KIAA0825: variants seen among roughly 807,000 people sequenced by gnomAD.
KIAA0825 encodes the protein uncharacterized protein KIAA0825.
KIAA0825 carries 119 observed loss-of-function variants against 147.6 expected under a neutral mutation model. The ratio of observed to expected loss-of-function variants is 0.81; its 90% CI spans 0.69 to 0.94. KIAA0825 has a LOEUF of 0.94. Among genes scored for constraint, KIAA0825 ranks in the 40% least tolerant of loss-of-function variants. The pLI is 0.00. For missense variants in KIAA0825, 1,381 were observed against 1,472.7 expected, an observed-to-expected ratio of 0.94 and a Z score of 1.02; for synonymous variants, 470 against 518.1, an observed-to-expected ratio of 0.91 and a Z score of 1.26.
chr5:94,486,376 A>T (rs148767670), intron 5 of KIAA0825, among the ~76,000 whole-genome samples: 10 of 152,190 alleles, frequency 6.6e-5, no homozygotes, highest in Non-Finnish European at 1.5e-4. Context: ...TTTTATGGCT[A>T]TTCCACTTCA....
At chr5:94,592,450 C>T (rs1784513755) in intron 1 of KIAA0825, among the ~76,000 whole-genome samples, 1 of 152,068 alleles carries the variant, frequency 6.6e-6, no homozygotes, top group Admixed American at 6.5e-5. Context: ...CAAGCTCTAT[C>T]ATGGGAAAGG....
chr5:94,576,417 G>C (rs1258537942), intron 2 of KIAA0825, among the ~76,000 whole-genome samples: 1 of 152,112 alleles, frequency 6.6e-6, no homozygotes, highest in African/African-American at 2.4e-5. Flanking sequence ...TGGATTACTA[G>C]ATTAATGAGT....
intron 5 of KIAA0825, among the ~76,000 whole-genome samples, chr5:94,500,532 G>A (rs75563727): frequency 0.011 from 1,611 of 152,186 alleles, 34 homozygotes; most frequent in African/African-American, 0.037. Flanking sequence ...TTAGACTGGG[G>A]AAGAGAAGCG....
At chr5:94,166,645 T>C (rs1003306860) in intron 20 of KIAA0825, among the ~76,000 whole-genome samples, 2 of 151,566 alleles carry the variant, frequency 1.3e-5, no homozygotes, top group East Asian at 2.0e-4. Context: ...GTAGCTGGGA[T>C]TACAGGCACG....
At chr5:94,191,450 G>A (rs1367407924) in intron 20 of KIAA0825, among the ~76,000 whole-genome samples, 1 of 152,004 alleles carries the variant, frequency 6.6e-6, no homozygotes, top group African/African-American at 2.4e-5. Flanking sequence ...TTCCTGAAAG[G>A]TAAATTATAA....
At chr5:94,519,318 TA>T in intron 5 of KIAA0825, 2 of 905,856 alleles carry the variant, frequency 2.2e-6, no homozygotes, top group Non-Finnish European at 2.6e-6. Flanking sequence ...ATTCACCAAA[TA>T]ATAATTTTCA....
chr5:94,534,695 T>C (rs972770409), intron 3 of KIAA0825, among the ~76,000 whole-genome samples: 5 of 152,186 alleles, frequency 3.3e-5, no homozygotes, highest in Non-Finnish European at 7.4e-5. Context: ...ATATGATTTA[T>C]TTTTGACTAG....
intron 20 of KIAA0825, among the ~76,000 whole-genome samples, chr5:94,305,325 C>T (rs999848766): frequency 2.0e-5 from 3 of 151,932 alleles, no homozygotes; most frequent in Non-Finnish European, 4.4e-5. Context: ...CACACACACA[C>T]CCTGTTCTTT....
At chr5:94,162,434 G>A (rs1044224701) in intron 20 of KIAA0825, among the ~76,000 whole-genome samples, 1 of 151,810 alleles carries the variant, frequency 6.6e-6, no homozygotes, top group African/African-American at 2.4e-5. Flanking sequence ...CAGGTAGCTA[G>A]GACTACAGGT....
intron 5 of KIAA0825, among the ~76,000 whole-genome samples, chr5:94,488,974 T>C (rs989992440): frequency 7.9e-5 from 12 of 152,228 alleles, no homozygotes; most frequent in Admixed American, 6.5e-4. Flanking sequence ...CAAAAACAGC[T>C]GTGTGGGGGA....
Position 94,401,973 on chromosome 5 carries a change from A to C in KIAA0825, c.2887+1596T>G, listed in dbSNP as rs561161573. On this transcript the variant is annotated intron_variant, in intron 16 of 20. Transcript: ENST00000682413. ...AATCTAAAAGTCCCTGTAGCATTTC[A>C]GAGGGCAGTAAAGAAGAACAATGGC... is the stretch of plus-strand genomic sequence containing the variant. Among the ~76,000 whole-genome samples the C allele has an allele frequency of 5.9e-5, 9 of 152,340 alleles. No homozygotes were observed. The South Asian group carries it at 1.9e-3, about 32-fold the overall frequency.
At chr5:94,363,877 A>G (rs1745427033) in intron 20 of KIAA0825, among the ~76,000 whole-genome samples, 1 of 152,094 alleles carries the variant, frequency 6.6e-6, no homozygotes, top group African/African-American at 2.4e-5. Context: ...TAAAAAAAAA[A>G]ATTCAATAAA....
At chr5:94,537,647 C>CA (rs1162517096) in intron 2 of KIAA0825, among the ~76,000 whole-genome samples, 19,935 of 67,474 alleles carry the variant, frequency 0.3, 2,756 homozygotes, top group African/African-American at 0.48. Flanking sequence ...GACTCTGTCT[C>CA]AAAAAAAAAA....
At chr5:94,411,034 C>G (rs1048186704) in intron 15 of KIAA0825, among the ~76,000 whole-genome samples, 1 of 151,978 alleles carries the variant, frequency 6.6e-6, no homozygotes, top group Non-Finnish European at 1.5e-5. Context: ...GTTTATAATA[C>G]TTATAGAAAT....
chr5:94,297,457 A>G (rs1778186432), intron 20 of KIAA0825, among the ~76,000 whole-genome samples: 1 of 152,132 alleles, frequency 6.6e-6, no homozygotes, highest in Non-Finnish European at 1.5e-5. Flanking sequence ...CAAAGTATTA[A>G]TTATGTTTTT....
In KIAA0825 at chr5:94,152,630, A is replaced by G. The variant is rs1357631549; in HGVS notation, c.*1377T>C. ...AGTTCAAGTCCAGCCTGGGCAACAT[A>G]GTGAGACCTCATCTTTACAAAAAAA... On this transcript the variant is annotated 3_prime_UTR_variant, in exon 21 of 21. Transcript: ENST00000682413. 6.6e-6 allele frequency among the ~76,000 whole-genome samples: 1 copy of G among 150,778 alleles called. No individual in the cohort carries two copies. Among genetic ancestry groups the G allele is most frequent in the Non-Finnish European group, 1.5e-5 (1 of 67,764 alleles).
At chr5:94,225,291 T>C (rs1774062576) in intron 20 of KIAA0825, among the ~76,000 whole-genome samples, 1 of 152,198 alleles carries the variant, frequency 6.6e-6, no homozygotes, top group Admixed American at 6.5e-5. Flanking sequence ...AGAAATGACA[T>C]CTACTTCTAG....
chr5:94,522,908 T>A (rs943116976), intron 4 of KIAA0825, among the ~76,000 whole-genome samples: 1 of 151,700 alleles, frequency 6.6e-6, no homozygotes, highest in African/African-American at 2.4e-5. Context: ...ACATCAGCAT[T>A]AATGAAATTC....
chr5:94,236,664 C>T (rs1055805534), intron 20 of KIAA0825, among the ~76,000 whole-genome samples: 1 of 152,092 alleles, frequency 6.6e-6, no homozygotes, highest in Non-Finnish European at 1.5e-5. Flanking sequence ...AAAAGGAAGT[C>T]ATTTGATGTG....
Sources: allele counts gnomAD v4.1 joint callset (sites outside exome capture counted in the v4.1 genomes callset), GRCh38; gene constraint gnomAD v4.1.1; transcripts MANE v1.5; gene names NCBI Gene and HGNC (gene_info 2026-07-23, HGNC 2026-07-21).